Variants in DIP2C observed in about 807,000 individuals in gnomAD.
DIP2C encodes disco-interacting protein 2 homolog C.
A neutral mutation model predicts 192.4 loss-of-function variants in DIP2C; 33 were observed. The ratio of observed to expected loss-of-function variants is 0.17; its 90% CI spans 0.13 to 0.23. DIP2C has a LOEUF of 0.23. Among genes scored for constraint, DIP2C ranks in the 10% least tolerant of loss-of-function variants. The probability of loss-of-function intolerance (pLI) is 1.00; values close to 1 mark genes in which losing one functional copy is unlikely to be tolerated. For missense variants in DIP2C, 1,537 were observed against 2,110.1 expected, an observed-to-expected ratio of 0.73 and a Z score of 5.32; for synonymous variants, 979 against 864.1, an observed-to-expected ratio of 1.13 and a Z score of -2.33.
In DIP2C at chr10:325,040, C is replaced by T. The variant is rs187588725; in HGVS notation, c.3924+1966G>A. ...CAGCACTTTAGGAGGCAAAGGAAGGCGGATCATGAGGTCAGGAGATCAAAA... is the reference window on the plus strand; with the variant it reads ...CAGCACTTTAGGAGGCAAAGGAAGGTGGATCATGAGGTCAGGAGATCAAAA... On this transcript the variant is annotated intron_variant, in intron 31 of 36. Coordinates refer to ENST00000280886, the MANE Select transcript of DIP2C (RefSeq NM_014974.3). The T allele has an allele frequency of 5.3e-3, 2,580 of 489,328 alleles. 68 individuals are homozygous for T. Among genetic ancestry groups the T allele is most frequent in the Admixed American group, 0.034 (1,493 of 43,774 alleles). 30.3% of individuals were successfully genotyped at this position (489,328 alleles called of 1,614,324 possible).
At chr10:514,339 A>G (rs1297562577) in intron 1 of DIP2C, among the ~76,000 whole-genome samples, 1 of 152,242 alleles carries the variant, frequency 6.6e-6, no homozygotes, top group African/African-American at 2.4e-5. Flanking sequence ...TGAACTGAGC[A>G]GAACAAATGC....
intron 10 of DIP2C, among the ~76,000 whole-genome samples, chr10:395,084 GACC>G (rs1963868600): frequency 7.5e-6 from 1 of 133,666 alleles, no homozygotes; most frequent in East Asian, 2.5e-4. Context: ...ATAGAATGGT[GACC>G]ACGAGGGCTG....
intron 3 of DIP2C, among the ~76,000 whole-genome samples, chr10:456,636 G>A (rs948929180): frequency 1.3e-5 from 2 of 152,230 alleles, no homozygotes; most frequent in African/African-American, 4.8e-5. Flanking sequence ...CCAAAACTGT[G>A]CAAGAGGCCA....
intron 4 of DIP2C, among the ~76,000 whole-genome samples, chr10:431,224 A>G (rs1966852480): frequency 6.6e-6 from 1 of 151,992 alleles, no homozygotes; most frequent in African/African-American, 2.4e-5. Flanking sequence ...CTTTTGAATC[A>G]GTGTGTTGAT....
intron 17 of DIP2C, chr10:370,117 G>T: frequency 1.1e-6 from 1 of 895,810 alleles, no homozygotes; most frequent in Non-Finnish European, 1.3e-6. Flanking sequence ...TTCAGATGCA[G>T]ACTGCCTGGG....
chr10:654,751 A>G (rs1856173649), intron 1 of DIP2C, among the ~76,000 whole-genome samples: 1 of 152,194 alleles, frequency 6.6e-6, no homozygotes, highest in African/African-American at 2.4e-5. Flanking sequence ...GCCCCACTGA[A>G]GAACGCTCTC....
chr10:507,778 G>T (rs1845722410), intron 1 of DIP2C, among the ~76,000 whole-genome samples: 1 of 152,172 alleles, frequency 6.6e-6, no homozygotes. Flanking sequence ...CAGTGCCCAT[G>T]TCCCACCCCA....
intron 9 of DIP2C, among the ~76,000 whole-genome samples, chr10:400,229 C>T (rs1964308058): frequency 1.3e-5 from 2 of 152,132 alleles, no homozygotes; most frequent in South Asian, 4.1e-4. Context: ...CGTTATGTTG[C>T]CCAGGCTGGC....
intron 1 of DIP2C, among the ~76,000 whole-genome samples, chr10:503,886 GACTT>G (rs1458297233): frequency 1.3e-5 from 2 of 152,070 alleles, no homozygotes; most frequent in African/African-American, 4.8e-5. Flanking sequence ...CCATTACTGT[GACTT>G]ACCCTAAATT....
At chr10:621,324 C>A (rs978044072) in intron 1 of DIP2C, among the ~76,000 whole-genome samples, 1 of 151,696 alleles carries the variant, frequency 6.6e-6, no homozygotes, top group Non-Finnish European at 1.5e-5. Flanking sequence ...CACACACCCC[C>A]AAGGTGTGCA....
chr10:557,563 T>C (rs1848945009), intron 1 of DIP2C, among the ~76,000 whole-genome samples: 2 of 148,678 alleles, frequency 1.3e-5, no homozygotes, highest in South Asian at 4.4e-4. Flanking sequence ...GACCCCCTTT[T>C]CTTCACAAAG....
chr10:390,221 A>G, intron 12 of DIP2C, 43 bp downstream of exon 12: 1 of 1,599,168 alleles, frequency 6.3e-7, no homozygotes, highest in Non-Finnish European at 8.6e-7. Context: ...GTTAGTGCCA[A>G]GGCCACACTC....
At position 414,737 on chromosome 10, in the gene DIP2C, G is replaced by GTATATATATATATATATATATA. The variant is rs1213629573; in HGVS notation, c.860-628_860-627insTATATATATATATATATATATA. Among the ~76,000 whole-genome samples the GTATATATATATATATATATATA allele has an allele frequency of 9.0e-4, 50 of 55,796 alleles. 2 individuals are homozygous for GTATATATATATATATATATATA. Among genetic ancestry groups the GTATATATATATATATATATATA allele is most frequent in the Middle Eastern group, 0.016 (1 of 64 alleles). The allele number at this position is 55,796 out of a possible 152,430, so 36.6% of individuals were successfully genotyped here. ...TGTGTGTGTGTGTGTGTGTGTGTGT[G>GTATATATATATATATATATATA]TGTACATATATATATATATAATGTG... On this transcript the variant is annotated intron_variant, in intron 7 of 36. Transcript: ENST00000280886.
intron 17 of DIP2C, chr10:369,938 C>T (rs1166647653): frequency 1.0e-6 from 1 of 985,090 alleles, no homozygotes; most frequent in Non-Finnish European, 1.2e-6. Context: ...TCTCTCTCCC[C>T]TCCCTCCAGG....
intron 1 of DIP2C, among the ~76,000 whole-genome samples, chr10:508,566 G>A (rs11252854): frequency 0.1 from 15,877 of 152,144 alleles, 941 homozygotes; most frequent in East Asian, 0.19. Flanking sequence ...TAAGCTCTTC[G>A]CAGCAAAGAC....
At chr10:316,549 C>T (rs1956781510) in intron 31 of DIP2C, among the ~76,000 whole-genome samples, 1 of 152,232 alleles carries the variant, frequency 6.6e-6, no homozygotes, top group Non-Finnish European at 1.5e-5. Flanking sequence ...GAGGGATGTG[C>T]TATGCCCTCA....
chr10:375,967 C>G (rs962279326), intron 17 of DIP2C, among the ~76,000 whole-genome samples: 1 of 152,166 alleles, frequency 6.6e-6, no homozygotes, highest in Non-Finnish European at 1.5e-5. Flanking sequence ...GCTGCAGGCC[C>G]CTCCTCCCCA....
At position 580,633 on chromosome 10, in the gene DIP2C, ACAC is replaced by A. The variant is rs1850580894; in HGVS notation, c.86-94106_86-94104del. 2.6e-5 allele frequency among the ~76,000 whole-genome samples: 4 copies of A among 152,370 alleles called. No individual in the cohort carries two copies. In the South Asian group the frequency reaches 8.3e-4, roughly 32 times the overall value. ...TACAATGGCAATACATAGTACGCAT[ACAC>A]CACATACAAGTACACATTTGTATAG... On this transcript the variant is annotated intron_variant, in intron 1 of 36. Transcript: ENST00000280886.
chr10:422,194 G>A (rs746465562), intron 5 of DIP2C, among the ~76,000 whole-genome samples: 18 of 152,188 alleles, frequency 1.2e-4, no homozygotes, highest in African/African-American at 3.6e-4. Context: ...CCCAAGTCCC[G>A]TACTTGATGA....
Sources: gnomAD v4.1 joint callset for allele counts (sites outside exome capture counted in the v4.1 genomes callset) on GRCh38, gnomAD v4.1.1 for gene constraint, MANE v1.5 for transcripts, NCBI Gene and HGNC (gene_info 2026-07-23, HGNC 2026-07-21) for gene names.